The following TMEM165 variants were observed in gnomAD, a reference collection of about 807,000 sequenced individuals.
TMEM165 encodes the protein transmembrane protein 165, also known as putative divalent cation/proton antiporter TMEM165.
TMEM165 carries 19 observed loss-of-function variants against 30.0 expected under a neutral mutation model. The ratio of observed to expected loss-of-function variants is 0.63; its 90% CI spans 0.44 to 0.93. The LOEUF (loss-of-function observed/expected upper bound fraction) is 0.93, where lower values mean the gene tolerates loss of function less well. Ranked by LOEUF, TMEM165 falls within the 40% of genes least tolerant of loss-of-function variation. The pLI, the probability that TMEM165 is intolerant of heterozygous loss-of-function variation, is 0.00. For missense variants in TMEM165, 340 were observed against 417.0 expected (o/e 0.82, Z 1.61); for synonymous variants, 168 against 162.9 (o/e 1.03, Z -0.24).
rs1722825774 is a variant in TMEM165, at chr4:55,435,709, G to A, written c.408+11066G>A. ...CAAAATCCTTAAAATTCTACATAATGCATATCACTTTCACTCTCTGGTTTA... is the reference window on the plus strand; with the variant it reads ...CAAAATCCTTAAAATTCTACATAATACATATCACTTTCACTCTCTGGTTTA... On this transcript the variant is annotated intron_variant, in intron 3 of 3. Transcript: ENST00000608091. The A allele has an allele frequency of 4.8e-6, 5 of 1,031,146 alleles. No homozygotes were observed. In the East Asian group the frequency reaches 1.3e-4, roughly 26 times the overall value. The allele number at this position is 1,031,146 out of a possible 1,614,324, so 63.9% of individuals were successfully genotyped here.
intron 3 of TMEM165, among the ~76,000 whole-genome samples, chr4:55,444,453 A>G (rs1314121193): frequency 2.0e-5 from 3 of 152,230 alleles, no homozygotes; most frequent in African/African-American, 7.2e-5. Flanking sequence ...ACCCTCAGAA[A>G]CAAATTATCT....
chr4:55,400,450 A>G (rs1720951233), intron 1 of TMEM165, among the ~76,000 whole-genome samples: 1 of 136,764 alleles, frequency 7.3e-6, no homozygotes. Flanking sequence ...TATATAATAT[A>G]TATATATTTT....
intron 3 of TMEM165, chr4:55,449,601 T>C: frequency 1.0e-6 from 1 of 976,732 alleles, no homozygotes; most frequent in Non-Finnish European, 1.6e-6. Flanking sequence ...TTTGAATTAT[T>C]TTTCCAAACC....
chr4:55,398,502 T>C (rs1578225589), intron 1 of TMEM165, among the ~76,000 whole-genome samples: 1 of 152,388 alleles, frequency 6.6e-6, no homozygotes, highest in East Asian at 1.9e-4. Context: ...CTCTTTTGAC[T>C]TATTTAATTC....
chr4:55,418,422 G>A (rs1259301893), intron 4 of TMEM165, among the ~76,000 whole-genome samples: 1 of 151,858 alleles, frequency 6.6e-6, no homozygotes, highest in Non-Finnish European at 1.5e-5. Context: ...ACTCAGGAGG[G>A]TTGAGGTGGG....
chr4:55,418,708 A>T (rs1007338789), intron 4 of TMEM165, among the ~76,000 whole-genome samples: 1 of 152,116 alleles, frequency 6.6e-6, no homozygotes, highest in African/African-American at 2.4e-5. Flanking sequence ...CTTCAACATC[A>T]TTTCAGTGAC....
chr4:55,410,641 T>G (rs916348557), intron 1 of TMEM165, among the ~76,000 whole-genome samples: 1 of 152,218 alleles, frequency 6.6e-6, no homozygotes, highest in African/African-American at 2.4e-5. Context: ...AAACTTGTCT[T>G]AGCTGGAACC....
chr4:55,448,952 G>A (rs778299046), intron 3 of TMEM165: 30 of 1,065,800 alleles, frequency 2.8e-5, no homozygotes, highest in Middle Eastern at 2.0e-4. Context: ...TATGATATTC[G>A]TATTAATAAA....
chr4:55,420,145 ATTT>A (rs11317965), intron 4 of TMEM165, among the ~76,000 whole-genome samples: 65 of 51,300 alleles, frequency 1.3e-3, no homozygotes, highest in East Asian at 0.01. Context: ...TTATTTATTT[ATTT>A]TATTTATTTA....
chr4:55,438,487 G>A, intron 3 of TMEM165: 1 of 1,613,798 alleles, frequency 6.2e-7, no homozygotes, highest in Non-Finnish European at 8.5e-7. Context: ...TGCCCCACAA[G>A]CTACAGGAGC....
chr4:55,431,540 A>T (rs760105249), intron 3 of TMEM165: 17 of 152,150 alleles, frequency 1.1e-4, no homozygotes, highest in Non-Finnish European at 2.2e-4. Flanking sequence ...AATTCCAATC[A>T]GCTTGTCCTG....
Position 55,396,383 on chromosome 4 carries a change from CG to C in TMEM165, c.196del (p.Ala66ProfsTer51). On this transcript the variant is annotated frameshift_variant, in exon 1 of 6. Coordinates refer to ENST00000381334, the MANE Select transcript of TMEM165 (RefSeq NM_018475.5). LOFTEE classifies it high-confidence loss of function. ...PQPVAVQGPE[P>X]ARVEKIFTPA... is the part of the protein sequence containing the mutation. ...CCTGTGGCTGTGCAGGGCCCCGAGC[CG>C]GCCCGGGTCGAGGTGAGCGGGCCGG... 1.3e-6 allele frequency: 2 copies of C among 1,489,786 alleles called. No individual in the cohort carries two copies. Among genetic ancestry groups the C allele is most frequent in the Non-Finnish European group, 1.8e-6 (2 of 1,125,536 alleles). The allele number at this position is 1,489,786 out of a possible 1,614,324, so 92.3% of individuals were successfully genotyped here.
intron 3 of TMEM165, among the ~76,000 whole-genome samples, chr4:55,444,174 C>A (rs1330189947): frequency 6.6e-6 from 1 of 152,136 alleles, no homozygotes; most frequent in Non-Finnish European, 1.5e-5. Flanking sequence ...TTTATAACAT[C>A]ACACAGAAGT....
rs1366714624 is a variant in TMEM165 at position 55,396,384 on chromosome 4, G to A, written c.195G>A (p.Pro65=). 2 of 1,489,642 alleles carry A rather than the reference G, an allele frequency of 1.3e-6. No individual in the cohort carries two copies. Among genetic ancestry groups the A allele is most frequent in the Non-Finnish European group, 1.8e-6 (2 of 1,125,452 alleles). The allele number at this position is 1,489,642 out of a possible 1,614,324, so 92.3% of individuals were successfully genotyped here. Residue 65 remains proline (P), a synonymous_variant, in exon 1 of 6, where the codon CCG becomes CCA. Coordinates refer to ENST00000381334, the MANE Select transcript of TMEM165 (RefSeq NM_018475.5). ...PQPVAVQGPE[P]ARVEKIFTPA... ...CTGTGGCTGTGCAGGGCCCCGAGCCGGCCCGGGTCGAGGTGAGCGGGCCGG... is the reference window on the plus strand; with the variant it reads ...CTGTGGCTGTGCAGGGCCCCGAGCCAGCCCGGGTCGAGGTGAGCGGGCCGG...
chr4:55,411,593 T>C lies in TMEM165; in HGVS notation c.208-21T>C, dbSNP rs373650474. ...AATTTTGAATAATGATTTTAAGAAGTAACTGATTTTTTTTTTCCAGAAAAT... is the reference window on the plus strand; with the variant it reads ...AATTTTGAATAATGATTTTAAGAAGCAACTGATTTTTTTTTTCCAGAAAAT... On this transcript the variant is annotated intron_variant, in intron 1 of 5. Transcript: ENST00000381334. The C allele has an allele frequency of 1.0e-5, 16 of 1,568,690 alleles. No individual in the cohort carries two copies. The African/African-American group carries it at 2.2e-4, about 21-fold the overall frequency.
At chr4:55,439,472 C>A (rs11133378) in intron 3 of TMEM165, among the ~76,000 whole-genome samples, 1 of 151,896 alleles carries the variant, frequency 6.6e-6, no homozygotes, top group Non-Finnish European at 1.5e-5. Flanking sequence ...TCAAAAAATT[C>A]ACTATAGGAT....
intron 3 of TMEM165, among the ~76,000 whole-genome samples, chr4:55,450,386 A>T (rs376899434): frequency 2.6e-5 from 4 of 152,264 alleles, no homozygotes; most frequent in East Asian, 3.8e-4. Context: ...ATGAAAATTT[A>T]TGTGTTATAG....
At chr4:55,447,989 T>TA (rs1398857505) in intron 3 of TMEM165, among the ~76,000 whole-genome samples, 1 of 151,648 alleles carries the variant, frequency 6.6e-6, no homozygotes, top group Non-Finnish European at 1.5e-5. Context: ...CTCTTGGAAT[T>TA]ACTCCCCCTT....
At chr4:55,403,111 T>C (rs576713934) in intron 1 of TMEM165, 11 of 484,338 alleles carry the variant, frequency 2.3e-5, no homozygotes, top group Non-Finnish European at 2.7e-5. Context: ...CTTTTTTGAC[T>C]TAGTAGTGCC....
Sources: allele counts gnomAD v4.1 joint callset (sites outside exome capture counted in the v4.1 genomes callset), GRCh38; gene constraint gnomAD v4.1.1; transcripts MANE v1.5; gene names NCBI Gene and HGNC (gene_info 2026-07-23, HGNC 2026-07-21).